Variants in EIPR1 observed in about 807,000 individuals in gnomAD.
EIPR1 encodes the protein EARP complex and GARP complex interacting protein 1, also known as EARP and GARP complex-interacting protein 1.
Under a neutral mutation model 48.1 loss-of-function variants are expected in EIPR1, and 25 were observed. That is an observed-to-expected ratio of 0.52 (90% confidence interval 0.38 to 0.73). EIPR1 has a LOEUF of 0.73. EIPR1 is among the 30% of genes least tolerant of loss of function. The pLI, the probability that EIPR1 is intolerant of heterozygous loss-of-function variation, is 0.00. For synonymous variants in EIPR1, 204 were observed against 201.9 expected, an observed-to-expected ratio of 1.01 and a Z score of -0.09; for missense variants, 415 against 506.2, an observed-to-expected ratio of 0.82 and a Z score of 1.73.
chr2:3,246,432 C>T (rs1024142302), intron 4 of EIPR1, among the ~76,000 whole-genome samples: 6 of 152,166 alleles, frequency 3.9e-5, no homozygotes, highest in Admixed American at 1.3e-4. Flanking sequence ...GCCTCAATAC[C>T]GCCTTCTGTG....
rs1338205292 is a variant in EIPR1, at chr2:3,311,280, T to G, written c.259+26737A>C. ...TTGGTCCTGTTACACACTCTCAAGA[T>G]GATCTCTTCCTAGAAATATGTGATT... On this transcript the variant is annotated intron_variant, in intron 3 of 8. Transcript: ENST00000382125. 3.9e-5 allele frequency among the ~76,000 whole-genome samples: 6 copies of G among 152,332 alleles called. No homozygotes were observed. In the Middle Eastern group the frequency reaches 0.01, roughly 259 times the overall value.
chr2:3,352,199 C>A (rs56393187), intron 2 of EIPR1, among the ~76,000 whole-genome samples: 2 of 145,344 alleles, frequency 1.4e-5, no homozygotes, highest in African/African-American at 5.2e-5. Context: ...CATATCCATG[C>A]TACAGAAGCG....
At chr2:3,281,686 A>G (rs1193030746) in intron 3 of EIPR1, among the ~76,000 whole-genome samples, 1 of 152,226 alleles carries the variant, frequency 6.6e-6, no homozygotes, top group East Asian at 1.9e-4. Context: ...ATTGACATTC[A>G]TTATGTTACA....
At position 3,283,817 on chromosome 2, in the gene EIPR1, T is replaced by C. The variant is rs1186856234; in HGVS notation, c.260-26362A>G. ...AATTAGCCGGGCGTGGTGGCGGCTGTCTGTAAATCCCAGCTACTCAGAGGA... is the reference window on the plus strand; with the variant it reads ...AATTAGCCGGGCGTGGTGGCGGCTGCCTGTAAATCCCAGCTACTCAGAGGA... On this transcript the variant is annotated intron_variant, in intron 3 of 8. Coordinates refer to ENST00000382125, the MANE Select transcript of EIPR1 (RefSeq NM_003310.5). 4.6e-5 allele frequency among the ~76,000 whole-genome samples: 7 copies of C among 151,754 alleles called. No individual in the cohort carries two copies. In the East Asian group the frequency reaches 1.2e-3, roughly 25 times the overall value.
intron 2 of EIPR1, among the ~76,000 whole-genome samples, chr2:3,345,766 CT>C (rs1670380831): frequency 6.6e-6 from 1 of 152,156 alleles, no homozygotes; most frequent in South Asian, 2.1e-4. Context: ...CACTACACTT[CT>C]GTTTCTCTTT....
intron 3 of EIPR1, chr2:3,320,008 C>T (rs1485969981): frequency 5.2e-6 from 1 of 191,642 alleles, no homozygotes; most frequent in African/African-American, 2.6e-5. Context: ...CGGGCAACAC[C>T]ACCCCTGAGG....
chr2:3,226,364 A>T (rs1389967708), intron 4 of EIPR1, among the ~76,000 whole-genome samples: 1 of 152,012 alleles, frequency 6.6e-6, no homozygotes, highest in Non-Finnish European at 1.5e-5. Flanking sequence ...CATTTTTCTG[A>T]TGGTTAGTGA....
intron 1 of EIPR1, among the ~76,000 whole-genome samples, chr2:3,375,040 C>G (rs1428020467): frequency 1.3e-5 from 2 of 149,284 alleles, no homozygotes; most frequent in African/African-American, 5.0e-5. Flanking sequence ...CCATGGAATA[C>G]TATGCAGCCA....
At chr2:3,306,225 G>A (rs981994648) in intron 3 of EIPR1, among the ~76,000 whole-genome samples, 3 of 152,124 alleles carry the variant, frequency 2.0e-5, no homozygotes, top group African/African-American at 2.4e-5. Flanking sequence ...TCTGAACAGC[G>A]CTGTACACAC....
chr2:3,332,762 A>C (rs1283155153), intron 3 of EIPR1, among the ~76,000 whole-genome samples: 3 of 152,240 alleles, frequency 2.0e-5, no homozygotes, highest in Non-Finnish European at 4.4e-5. Flanking sequence ...AAAACGTTCC[A>C]TGAGTTTATT....
chr2:3,305,684 G>A (rs534867700), intron 3 of EIPR1, among the ~76,000 whole-genome samples: 58 of 152,284 alleles, frequency 3.8e-4, no homozygotes, highest in Non-Finnish European at 2.9e-4. Context: ...GGACCTGCCC[G>A]CCCTCCAGAA....
At chr2:3,227,936 G>T (rs1666117619) in intron 4 of EIPR1, among the ~76,000 whole-genome samples, 2 of 152,272 alleles carry the variant, frequency 1.3e-5, no homozygotes, top group African/African-American at 4.8e-5. Context: ...AGATTTCAGA[G>T]GATGTATGAC....
At chr2:3,338,813 A>T (rs1670145532) in intron 2 of EIPR1, among the ~76,000 whole-genome samples, 1 of 152,224 alleles carries the variant, frequency 6.6e-6, no homozygotes. Context: ...GCTTTCCAGG[A>T]TAACTTTTAG....
chr2:3,312,096 C>T lies in EIPR1; in HGVS notation c.259+25921G>A, dbSNP rs2103310341. On this transcript the variant is annotated intron_variant, in intron 3 of 8. Transcript: ENST00000382125. This position sits in a 1 kb window ranked among gnomAD's most constrained non-coding sequence, Gnocchi z 5.5. ...TGGAGCCACAACACACAGTTATCCC[C>T]TCTGTCTGATAACTGAAGTGCCTGA... is the stretch of plus-strand genomic sequence containing the variant. Among the ~76,000 whole-genome samples, 1 of 152,282 alleles carries T rather than the reference C, an allele frequency of 6.6e-6. No individual in the cohort carries two copies. Among genetic ancestry groups the T allele is most frequent in the Middle Eastern group, 3.4e-3 (1 of 294 alleles).
At chr2:3,234,575 G>A (rs771654126) in intron 4 of EIPR1, among the ~76,000 whole-genome samples, 4 of 152,318 alleles carry the variant, frequency 2.6e-5, no homozygotes, top group South Asian at 2.1e-4. Context: ...GGGCCGTGGC[G>A]GTCAACACCC....
intron 4 of EIPR1, among the ~76,000 whole-genome samples, chr2:3,246,831 G>A (rs1206339150): frequency 1.2e-4 from 9 of 77,476 alleles, no homozygotes; most frequent in African/African-American, 4.7e-4. Context: ...GAGGAAGGGA[G>A]GGAAGGAGGA....
intron 3 of EIPR1, among the ~76,000 whole-genome samples, chr2:3,281,853 A>G (rs1668019881): frequency 6.6e-6 from 1 of 152,200 alleles, no homozygotes; most frequent in South Asian, 2.1e-4. Context: ...CAGAGAGAAA[A>G]AACAAACAAA....
In EIPR1 at chr2:3,312,799, G is replaced by A. The variant is rs373702664; in HGVS notation, c.259+25218C>T. On this transcript the variant is annotated intron_variant, in intron 3 of 8. Transcript: ENST00000382125. The surrounding 1 kb of genome is among the most constrained non-coding windows in gnomAD (Gnocchi z 5.5). ...TGGTCTGTGACATGAGCACGTCATG[G>A]CCTGACCACCGCTGTGGGCCTCATT... Among the ~76,000 whole-genome samples, 1 of 152,102 alleles carries A rather than the reference G, an allele frequency of 6.6e-6. No homozygotes were observed. Among genetic ancestry groups the A allele is most frequent in the South Asian group, 2.1e-4 (1 of 4,822 alleles).
intron 3 of EIPR1, among the ~76,000 whole-genome samples, chr2:3,334,002 G>A (rs550954644): frequency 3.5e-4 from 53 of 152,180 alleles, no homozygotes; most frequent in African/African-American, 1.1e-3. Flanking sequence ...AGATGCCACC[G>A]TTCACCAAAA....
Sources: allele counts gnomAD v4.1 joint callset (sites outside exome capture counted in the v4.1 genomes callset), GRCh38; gene constraint gnomAD v4.1.1; non-coding constraint Gnocchi (gnomAD v3.1); transcripts MANE v1.5; gene names NCBI Gene and HGNC (gene_info 2026-07-23, HGNC 2026-07-21).